L3MBTL4: variants seen among roughly 807,000 people sequenced by gnomAD.
The protein encoded by L3MBTL4 is lethal(3)malignant brain tumor-like protein 4.
In L3MBTL4, 70 loss-of-function variants were observed where a neutral mutation model predicts 84.5. That is an observed-to-expected ratio of 0.83 (90% CI 0.68 to 1.01). The LOEUF is 1.01. Ranked by LOEUF, L3MBTL4 falls within the 50% of genes least tolerant of loss-of-function variation. The pLI is 0.00. For missense variants in L3MBTL4, 715 were observed against 754.8 expected (o/e 0.95, Z 0.62); for synonymous variants, 274 against 259.8 (o/e 1.05, Z -0.52).
At chr18:6,306,046 C>T (rs1052972250) in intron 3 of L3MBTL4, among the ~76,000 whole-genome samples, 1 of 152,160 alleles carries the variant, frequency 6.6e-6, no homozygotes, top group African/African-American at 2.4e-5. Context: ...CCATAAGAAC[C>T]TGCTATCTGT....
chr18:6,234,891 A>G (rs1405956491), intron 10 of L3MBTL4, among the ~76,000 whole-genome samples: 1 of 152,216 alleles, frequency 6.6e-6, no homozygotes. Flanking sequence ...GGCACTATTC[A>G]CAACAGCAAA....
At chr18:6,259,747 C>A (rs562687685) in intron 5 of L3MBTL4, 1 of 152,018 alleles carries the variant, frequency 6.6e-6, no homozygotes, top group African/African-American at 2.4e-5. Context: ...TGTCTCTTTA[C>A]TCTGTTGATG....
chr18:6,209,445 C>CAAAAAAAAAAAAAAA (rs60613997), intron 12 of L3MBTL4, among the ~76,000 whole-genome samples: 1 of 113,996 alleles, frequency 8.8e-6, no homozygotes, highest in African/African-American at 3.1e-5. Flanking sequence ...ACTAAACTGG[C>CAAAAAAAAAAAAAAA]AAAAAAAAAA....
chr18:6,369,649 G>A (rs1210670435), intron 1 of L3MBTL4, among the ~76,000 whole-genome samples: 2 of 152,162 alleles, frequency 1.3e-5, no homozygotes, highest in Non-Finnish European at 2.9e-5. Context: ...GGCTGTGAAA[G>A]CCAAGCAGGA....
chr18:6,090,900 A>T (rs2058432568), intron 15 of L3MBTL4, among the ~76,000 whole-genome samples: 1 of 151,966 alleles, frequency 6.6e-6, no homozygotes, highest in African/African-American at 2.4e-5. Flanking sequence ...AAAAAATTAC[A>T]GAAGGCCTGT....
At chr18:6,025,127 A>C (rs1598468186) in intron 16 of L3MBTL4, 1 of 152,228 alleles carries the variant, frequency 6.6e-6, no homozygotes, top group East Asian at 1.9e-4. Context: ...ATGAGAAAAC[A>C]AGCATCCTGG....
At chr18:6,200,167 T>C (rs1301911526) in intron 12 of L3MBTL4, among the ~76,000 whole-genome samples, 1 of 152,250 alleles carries the variant, frequency 6.6e-6, no homozygotes, top group African/African-American at 2.4e-5. Flanking sequence ...CATTTTGGAA[T>C]CTTAGGTGCA....
At chr18:5,970,917 C>T (rs1489318079) in intron 16 of L3MBTL4, among the ~76,000 whole-genome samples, 1 of 152,230 alleles carries the variant, frequency 6.6e-6, no homozygotes, top group Non-Finnish European at 1.5e-5. Flanking sequence ...CAACACCACT[C>T]TCGTGGATCG....
intron 16 of L3MBTL4, among the ~76,000 whole-genome samples, chr18:6,042,020 C>T (rs1381531161): frequency 6.6e-6 from 1 of 152,142 alleles, no homozygotes; most frequent in Non-Finnish European, 1.5e-5. Context: ...ACCACCCGGC[C>T]ATCTGTGAAC....
At chr18:6,263,546 A>G (rs1299370635) in intron 5 of L3MBTL4, among the ~76,000 whole-genome samples, 2 of 152,180 alleles carry the variant, frequency 1.3e-5, no homozygotes, top group Non-Finnish European at 1.5e-5. Flanking sequence ...AACACATCCA[A>G]ACAGATCCCT....
chr18:6,142,985 A>G (rs1334721452), intron 13 of L3MBTL4, among the ~76,000 whole-genome samples: 1 of 152,180 alleles, frequency 6.6e-6, no homozygotes. Context: ...GTATATAAAC[A>G]GTTTTCTCTA....
intron 5 of L3MBTL4, among the ~76,000 whole-genome samples, chr18:6,246,684 G>A (rs907028031): frequency 1.1e-4 from 17 of 152,142 alleles, no homozygotes; most frequent in African/African-American, 2.7e-4. Flanking sequence ...CAGGTGGATC[G>A]TCTGAGGTCA....
intron 16 of L3MBTL4, among the ~76,000 whole-genome samples, chr18:6,013,582 C>G (rs149875623): frequency 2.0e-5 from 3 of 152,208 alleles, no homozygotes; most frequent in African/African-American, 7.2e-5. Flanking sequence ...CCAGTGAACG[C>G]CTAAGTTCCT....
chr18:6,407,052 C>A (rs781353725), intron 1 of L3MBTL4, among the ~76,000 whole-genome samples: 1 of 152,228 alleles, frequency 6.6e-6, no homozygotes, highest in Non-Finnish European at 1.5e-5. Context: ...TTTGTTCTCT[C>A]GCCCTTTACT....
intron 4 of L3MBTL4, among the ~76,000 whole-genome samples, chr18:6,267,426 G>C (rs1050472927): frequency 4.6e-5 from 7 of 152,180 alleles, no homozygotes; most frequent in African/African-American, 1.7e-4. Context: ...GGTTTGCACT[G>C]TTTCTGCCAC....
intron 14 of L3MBTL4, among the ~76,000 whole-genome samples, chr18:6,119,754 A>G (rs890145271): frequency 6.6e-6 from 1 of 152,174 alleles, no homozygotes; most frequent in Non-Finnish European, 1.5e-5. Flanking sequence ...TTTTTCTGAT[A>G]TGTCTGATAT....
At chr18:6,292,141 T>C (rs941649156) in intron 4 of L3MBTL4, among the ~76,000 whole-genome samples, 2 of 152,180 alleles carry the variant, frequency 1.3e-5, no homozygotes, top group African/African-American at 4.8e-5. Context: ...TACGTACATG[T>C]AGCATGCATC....
At chr18:6,170,897 T>C (rs1482893877) in intron 13 of L3MBTL4, among the ~76,000 whole-genome samples, 4 of 152,126 alleles carry the variant, frequency 2.6e-5, no homozygotes, top group Non-Finnish European at 5.9e-5. Flanking sequence ...GTCCTCTTCA[T>C]TCTACACTCT....
Position 6,161,684 on chromosome 18 carries a change from G to A in L3MBTL4, c.1096+10144C>T, listed in dbSNP as rs767215633. On this transcript the variant is annotated intron_variant, in intron 13 of 18. Coordinates refer to ENST00000317931, the MANE Select transcript of L3MBTL4 (RefSeq NM_001330559.2). ...TGCCATTTTCACCTCTAGAGAGGCT[G>A]CCACTAACTATTTCAGGCCCGGCGT... 1.2e-4 allele frequency among the ~76,000 whole-genome samples: 18 copies of A among 152,268 alleles called. No homozygotes were observed. The Middle Eastern group carries it at 0.01, about 86-fold the overall frequency.
Sources: allele counts gnomAD v4.1 joint callset (sites outside exome capture counted in the v4.1 genomes callset), GRCh38; gene constraint gnomAD v4.1.1; transcripts MANE v1.5; gene names NCBI Gene and HGNC (gene_info 2026-07-23, HGNC 2026-07-21).